Variants in ENOX2 observed in about 807,000 individuals in gnomAD.
ENOX2 encodes the protein ecto-NOX disulfide-thiol exchanger 2, also known as APK1 antigen.
In ENOX2, 36 loss-of-function variants were observed where a neutral mutation model predicts 45.0. That is an observed-to-expected ratio of 0.80 (90% CI 0.61 to 1.06). ENOX2 has a LOEUF of 1.06. ENOX2 is among the 50% of genes least tolerant of loss of function. The pLI is 0.00. For missense variants in ENOX2, 423 were observed against 462.5 expected, an observed-to-expected ratio of 0.91 and a Z score of 0.78; for synonymous variants, 174 against 152.3, an observed-to-expected ratio of 1.14 and a Z score of -1.05.
chrX:130,769,783 T>C (rs1260710127), intron 3 of ENOX2, among the ~76,000 whole-genome samples: 1 of 112,348 alleles, frequency 8.9e-6, no homozygotes, highest in Non-Finnish European at 1.9e-5. Flanking sequence ...TGCAATTGTC[T>C]GCTCTTGAGA....
chrX:130,831,317 C>T (rs762905340), intron 2 of ENOX2, among the ~76,000 whole-genome samples: 10 of 111,824 alleles, frequency 8.9e-5, no homozygotes, highest in Admixed American at 6.6e-4. Context: ...ATTCAAACCA[C>T]GGTTGCAGTC....
At chrX:130,840,934 T>C (rs1424456657) in intron 2 of ENOX2, among the ~76,000 whole-genome samples, 1 of 111,891 alleles carries the variant, frequency 8.9e-6, no homozygotes, top group African/African-American at 3.2e-5. Flanking sequence ...AACTGAAATC[T>C]TAAGAATCAA....
intron 2 of ENOX2, among the ~76,000 whole-genome samples, chrX:130,852,676 T>C (rs1306856150): frequency 4.5e-5 from 5 of 110,953 alleles, no homozygotes; most frequent in Non-Finnish European, 9.4e-5. Flanking sequence ...AAAACAGTCA[T>C]GGAGTTGAGA....
At chrX:130,649,227 T>C (rs1338030488) in intron 10 of ENOX2, among the ~76,000 whole-genome samples, 1 of 108,475 alleles carries the variant, frequency 9.2e-6, no homozygotes, top group Non-Finnish European at 1.9e-5. Context: ...GCCTTCGGAA[T>C]TGTAAGTCAA....
At chrX:130,715,163 T>G (rs1287547008) in intron 3 of ENOX2, among the ~76,000 whole-genome samples, 1 of 111,177 alleles carries the variant, frequency 9.0e-6, no homozygotes, top group Non-Finnish European at 1.9e-5. Context: ...AGAGGATGGG[T>G]GTTGGGCTAT....
chrX:130,720,393 G>A, intron 3 of ENOX2, among the ~76,000 whole-genome samples: 1 of 112,558 alleles, frequency 8.9e-6, no homozygotes, highest in African/African-American at 3.2e-5. Context: ...CTAAGGTAAG[G>A]AAGCAAAGGC....
intron 3 of ENOX2, among the ~76,000 whole-genome samples, chrX:130,775,441 G>A (rs1344306797): frequency 1.8e-5 from 2 of 111,198 alleles, no homozygotes; most frequent in African/African-American, 6.5e-5. Flanking sequence ...GGCCTATCCT[G>A]TGCATTCTGG....
chrX:130,856,564 C>T (rs1288065454), intron 2 of ENOX2, among the ~76,000 whole-genome samples: 1 of 111,276 alleles, frequency 9.0e-6, no homozygotes, highest in Admixed American at 9.5e-5. Flanking sequence ...GTCACTATGA[C>T]CTTAGGCTCT....
chrX:130,735,903 A>T (rs938383767), intron 3 of ENOX2, among the ~76,000 whole-genome samples: 1 of 112,215 alleles, frequency 8.9e-6, no homozygotes, highest in African/African-American at 3.2e-5. Flanking sequence ...AATTGTTTTT[A>T]TTAAAAAAAT....
rs182044130 is a variant in ENOX2 at position 130,622,591 on chromosome X, C to T, written c.*2723G>A. On this transcript the variant is annotated 3_prime_UTR_variant, in exon 15 of 15. Coordinates refer to ENST00000394363, the MANE Select transcript of ENOX2 (RefSeq NM_006375.4). ...TCCATTCATTATTATATTGAAGAAA[C>T]GCTAACTACTGTATCTCATAAACAT... Among the ~76,000 whole-genome samples, 39 of 111,317 alleles carry T rather than the reference C, an allele frequency of 3.5e-4. No individual in the cohort carries two copies. Among genetic ancestry groups the T allele is most frequent in the Non-Finnish European group, 5.5e-4 (29 of 53,047 alleles).
At chrX:130,703,435 G>A (rs773882485) in intron 3 of ENOX2, among the ~76,000 whole-genome samples, 181 bp from the exon 4 acceptor site, 3 of 111,641 alleles carry the variant, frequency 2.7e-5, no homozygotes, top group Non-Finnish European at 5.6e-5. Context: ...GAACTGGCAG[G>A]AAGTCATGGA....
intron 2 of ENOX2, among the ~76,000 whole-genome samples, chrX:130,839,685 G>A (rs1198794060): frequency 9.0e-6 from 1 of 111,349 alleles, no homozygotes; most frequent in Non-Finnish European, 1.9e-5. Flanking sequence ...ACAGAGGGCT[G>A]TATTGAGCAA....
At chrX:130,833,056 A>ACAC (rs759746444) in intron 2 of ENOX2, among the ~76,000 whole-genome samples, 121 of 91,969 alleles carry the variant, frequency 1.3e-3, no homozygotes, top group African/African-American at 4.8e-3. Context: ...CACACACACA[A>ACAC]ACAGCACTGA....
chrX:130,783,387 T>C (rs1403987633), intron 3 of ENOX2, among the ~76,000 whole-genome samples, 160 bp downstream of exon 3: 2 of 111,696 alleles, frequency 1.8e-5, no homozygotes, highest in Non-Finnish European at 3.8e-5. Context: ...TGCTTTTCCC[T>C]CCTTCAATCC....
At chrX:130,789,894 T>G (rs2077017518) in intron 2 of ENOX2, among the ~76,000 whole-genome samples, 1 of 112,236 alleles carries the variant, frequency 8.9e-6, no homozygotes, top group African/African-American at 3.2e-5. Flanking sequence ...ATTCTAGGCC[T>G]CAAAACCATA....
chrX:130,896,832 C>CTACA (rs1427321684), intron 2 of ENOX2, among the ~76,000 whole-genome samples: 73 of 111,993 alleles, frequency 6.5e-4, no homozygotes, highest in African/African-American at 2.3e-3. Context: ...GAAGGGAAGA[C>CTACA]TACACTTCAG....
chrX:130,843,390 T>A (rs1603367571), intron 2 of ENOX2, among the ~76,000 whole-genome samples: 1 of 111,994 alleles, frequency 8.9e-6, no homozygotes, highest in African/African-American at 3.2e-5. Context: ...CATGTCTTCC[T>A]GCCTCCAACC....
intron 2 of ENOX2, among the ~76,000 whole-genome samples, chrX:130,788,366 A>T (rs188838737): frequency 1.7e-3 from 190 of 111,993 alleles, no homozygotes; most frequent in African/African-American, 5.5e-3. Context: ...TAGATTTGGA[A>T]GAAAGTTTTG....
intron 2 of ENOX2, among the ~76,000 whole-genome samples, chrX:130,791,749 T>C (rs2077046425): frequency 8.9e-6 from 1 of 111,744 alleles, no homozygotes; most frequent in Non-Finnish European, 1.9e-5. Context: ...ATCTTCTGCA[T>C]CTTAGGATTC....
Sources: gnomAD v4.1 joint callset for allele counts (sites outside exome capture counted in the v4.1 genomes callset) on GRCh38, gnomAD v4.1.1 for gene constraint, MANE v1.5 for transcripts, NCBI Gene and HGNC (gene_info 2026-07-23, HGNC 2026-07-21) for gene names.